Variants in ANKRD44 observed in about 807,000 individuals in gnomAD.
ANKRD44 encodes the protein ankyrin repeat domain 44, also known as serine/threonine-protein phosphatase 6 regulatory ankyrin repeat subunit B.
In ANKRD44, 35 loss-of-function variants were observed where a neutral mutation model predicts 116.0. That is an observed-to-expected ratio of 0.30 (90% CI 0.23 to 0.40). ANKRD44 has a LOEUF of 0.40. ANKRD44 is among the 10% of genes least tolerant of loss of function. The pLI, the probability that ANKRD44 is intolerant of heterozygous loss-of-function variation, is 1.00. For missense variants in ANKRD44, 1,014 were observed against 1,242.6 expected, an observed-to-expected ratio of 0.82 and a Z score of 2.77; for synonymous variants, 435 against 461.8, an observed-to-expected ratio of 0.94 and a Z score of 0.74.
chr2:197,121,586 C>A, intron 7 of ANKRD44, 42 bp from the exon 8 acceptor site: 1 of 1,521,944 alleles, frequency 6.6e-7, no homozygotes, highest in Non-Finnish European at 9.1e-7. Flanking sequence ...GTCATTAGAG[C>A]CAGTTTACTC....
At chr2:197,180,726 A>G (rs2080482539) in intron 2 of ANKRD44, among the ~76,000 whole-genome samples, 1 of 152,238 alleles carries the variant, frequency 6.6e-6, no homozygotes, top group Non-Finnish European at 1.5e-5. Flanking sequence ...TAGACATAAT[A>G]TAATCAAGCA....
chr2:197,035,866 A>T (rs764156553), intron 16 of ANKRD44, among the ~76,000 whole-genome samples: 2 of 151,908 alleles, frequency 1.3e-5, no homozygotes, highest in Non-Finnish European at 2.9e-5. Flanking sequence ...AGAGGATCCC[A>T]GGGGACTGGT....
rs546322750 is a variant in ANKRD44 at position 197,118,314 on chromosome 2, G to A, written c.906+3018C>T. Among the ~76,000 whole-genome samples, 82 of 151,934 alleles carry A rather than the reference G, an allele frequency of 5.4e-4. No homozygotes were observed. The Middle Eastern group carries it at 0.014, about 25-fold the overall frequency. On this transcript the variant is annotated intron_variant, in intron 8 of 27. Coordinates refer to ENST00000282272, the MANE Select transcript of ANKRD44 (RefSeq NM_001195144.2). ...ACAAAAAAGAAACTAAAGTCTGGGC[G>A]TGGTGGCTCACACCTGTAATCCCAG...
At chr2:197,010,108 T>C (rs951068361) in intron 18 of ANKRD44, among the ~76,000 whole-genome samples, 14 of 151,676 alleles carry the variant, frequency 9.2e-5, no homozygotes, top group African/African-American at 3.2e-4. Context: ...GGGGAGACGG[T>C]CAGAAGGGAA....
intron 21 of ANKRD44, among the ~76,000 whole-genome samples, chr2:196,979,554 C>CCTTTTTTTTTTTTTTTTTTTTTTTTT (rs2075785197): frequency 1.7e-5 from 1 of 59,634 alleles, no homozygotes; most frequent in African/African-American, 6.4e-5. Context: ...AATAAGATGA[C>CCTTTTTTTTTTTTTTTTTTTTTTTTT]TTTTTTTTTT....
chr2:197,159,880 C>T (rs1352278150), intron 2 of ANKRD44, among the ~76,000 whole-genome samples: 5 of 152,180 alleles, frequency 3.3e-5, no homozygotes, highest in African/African-American at 7.2e-5. Flanking sequence ...ACTCCACATC[C>T]GCTGCTCTCT....
intron 8 of ANKRD44, among the ~76,000 whole-genome samples, chr2:197,118,856 T>C (rs1414772908): frequency 6.6e-6 from 1 of 152,150 alleles, no homozygotes; most frequent in Non-Finnish European, 1.5e-5. Context: ...TAATACTAGG[T>C]GTTATTAGCC....
rs142259816 is a variant in ANKRD44 at position 197,034,861 on chromosome 2, C to G, written c.1651-9594G>C. Among the ~76,000 whole-genome samples, 11 of 152,222 alleles carry G rather than the reference C, an allele frequency of 7.2e-5. No individual in the cohort carries two copies. The East Asian group carries it at 2.1e-3, about 29-fold the overall frequency. ...AAAGAAGGCAGTACAACAGTGCAAGCCAACTTTTCAGCTGCCTTATTTGTA... is the reference window on the plus strand; with the variant it reads ...AAAGAAGGCAGTACAACAGTGCAAGGCAACTTTTCAGCTGCCTTATTTGTA... On this transcript the variant is annotated intron_variant, in intron 16 of 27. Transcript: ENST00000282272.
At chr2:197,058,691 G>T (rs554169617) in intron 16 of ANKRD44, among the ~76,000 whole-genome samples, 1 of 152,248 alleles carries the variant, frequency 6.6e-6, no homozygotes, top group African/African-American at 2.4e-5. Flanking sequence ...AAGGAAGCAG[G>T]TCTCCTGCAT....
chr2:197,041,411 GTCTC>G (rs145608413), intron 16 of ANKRD44, among the ~76,000 whole-genome samples: 1 of 151,390 alleles, frequency 6.6e-6, no homozygotes, highest in East Asian at 1.9e-4. Context: ...CTGGGCATCT[GTCTC>G]TCTCTCTCTC....
In ANKRD44 at chr2:197,207,860, C is replaced by A. The variant is rs1226139998; in HGVS notation, c.28-20754G>T. 2.0e-5 allele frequency among the ~76,000 whole-genome samples: 3 copies of A among 152,194 alleles called. No homozygotes were observed. In the East Asian group the frequency reaches 5.8e-4, roughly 29 times the overall value. On this transcript the variant is annotated intron_variant, in intron 1 of 27. Coordinates refer to ENST00000282272, the MANE Select transcript of ANKRD44 (RefSeq NM_001195144.2). ...TGAGGAAGACACATACGAGTTCTTA[C>A]AAGCCAGCCTCTAACACAACCAGCT...
intron 4 of ANKRD44, among the ~76,000 whole-genome samples, chr2:197,132,714 G>A (rs1219588979): frequency 6.6e-6 from 1 of 151,980 alleles, no homozygotes; most frequent in Admixed American, 6.5e-5. Context: ...TTCTGATATG[G>A]TGTATACCAG....
intron 16 of ANKRD44, among the ~76,000 whole-genome samples, chr2:197,039,129 T>C (rs2076860974): frequency 6.6e-6 from 1 of 152,218 alleles, no homozygotes; most frequent in African/African-American, 2.4e-5. Context: ...AAATATTCTA[T>C]CTGGTGCCAA....
At chr2:196,998,469 T>A (rs368621179) in intron 24 of ANKRD44, 50 bp from the exon 25 acceptor site, 6 of 1,348,836 alleles carry the variant, frequency 4.4e-6, no homozygotes, top group Non-Finnish European at 6.4e-6. Flanking sequence ...GCTAATTACA[T>A]GCATTTTGAA....
chr2:197,054,065 C>A (rs76600604), intron 16 of ANKRD44, among the ~76,000 whole-genome samples: 6,149 of 152,254 alleles, frequency 0.04, 423 homozygotes, highest in African/African-American at 0.14. Flanking sequence ...CAGGTCACAA[C>A]CTGGCCGGTT....
intron 10 of ANKRD44, chr2:197,099,476 C>T (rs2078239204): frequency 3.9e-6 from 4 of 1,015,962 alleles, no homozygotes; most frequent in Non-Finnish European, 4.8e-6. Flanking sequence ...TGAATACATT[C>T]TAAATTGGCT....
At chr2:197,229,906 T>C (rs1327851144) in intron 1 of ANKRD44, among the ~76,000 whole-genome samples, 3 of 152,152 alleles carry the variant, frequency 2.0e-5, no homozygotes, top group Non-Finnish European at 4.4e-5. Context: ...TGCTTATCCA[T>C]ATCTTGGGAG....
At chr2:197,105,717 G>A (rs971034412) in intron 9 of ANKRD44, among the ~76,000 whole-genome samples, 5 of 152,198 alleles carry the variant, frequency 3.3e-5, no homozygotes, top group Admixed American at 2.6e-4. Context: ...ATTTAGAAGT[G>A]TCCAATTGAG....
chr2:197,135,721 A>C (rs2079199944), intron 4 of ANKRD44: 1 of 152,504 alleles, frequency 6.6e-6, no homozygotes, highest in Admixed American at 6.5e-5. Context: ...TGCTGAACTC[A>C]GCGTTAGCAA....
Sources: gnomAD v4.1 joint callset for allele counts (sites outside exome capture counted in the v4.1 genomes callset) on GRCh38, gnomAD v4.1.1 for gene constraint, MANE v1.5 for transcripts, NCBI Gene and HGNC (gene_info 2026-07-23, HGNC 2026-07-21) for gene names.